SLC6A15: variants seen among roughly 807,000 people sequenced by gnomAD.
SLC6A15 encodes the protein sodium-dependent neutral amino acid transporter B(0)AT2.
SLC6A15 carries 33 observed loss-of-function variants against 68.5 expected under a neutral mutation model. The ratio of observed to expected loss-of-function variants is 0.48; its 90% CI spans 0.37 to 0.64. The LOEUF is 0.64. Ranked by LOEUF, SLC6A15 falls within the 30% of genes least tolerant of loss-of-function variation. The pLI, the probability that SLC6A15 is intolerant of heterozygous loss-of-function variation, is 0.00. For synonymous variants in SLC6A15, 347 were observed against 301.0 expected (o/e 1.15, Z -1.58); for missense variants, 747 against 874.3 (o/e 0.85, Z 1.84).
intron 9 of SLC6A15, among the ~76,000 whole-genome samples, chr12:84,868,232 G>A (rs1415539914): frequency 1.3e-5 from 2 of 152,118 alleles, no homozygotes; most frequent in Admixed American, 1.3e-4. Context: ...AACATATAAT[G>A]TAGAATAAGA....
chr12:84,911,266 A>T (rs2120760530), intron 1 of SLC6A15, among the ~76,000 whole-genome samples: 1 of 152,304 alleles, frequency 6.6e-6, no homozygotes, highest in East Asian at 1.9e-4. Flanking sequence ...GCAGCATATA[A>T]AGCAAATCCT....
rs1870845738 is a variant in SLC6A15 at position 84,861,494 on chromosome 12, A to G, written c.*138T>C. On this transcript the variant is annotated 3_prime_UTR_variant, in exon 12 of 12. Transcript: ENST00000266682. The stretch of plus-strand genomic sequence containing the variant: ...AAGAATGCTCAAGTTGAACTGACAT[A>G]TACTGTTAGGATTAAAGATCACAGC... 1 of 959,540 alleles carries G rather than the reference A, an allele frequency of 1.0e-6. No individual in the cohort carries two copies. The highest frequency in any genetic ancestry group is 1.6e-6 in the Non-Finnish European group (1 of 643,218). The allele number at this position is 959,540 out of a possible 1,614,324, so 59.4% of individuals were successfully genotyped here. A position where few individuals can be genotyped will look rare whatever the true frequency, so the allele number is the denominator to read the frequency against.
At position 84,886,080 on chromosome 12, in the gene SLC6A15, A is replaced by C; in HGVS notation, c.290-12T>G. 1 of 1,532,532 alleles carries C rather than the reference A, an allele frequency of 6.5e-7. No homozygotes were observed. The allele number at this position is 1,532,532 out of a possible 1,614,324, so 94.9% of individuals were successfully genotyped here. A position where few individuals can be genotyped will look rare whatever the true frequency, so the allele number is the denominator to read the frequency against. On this transcript the variant is annotated splice_polypyrimidine_tract_variant and intron_variant, in intron 2 of 11. Transcript: ENST00000266682. ...TAAAAGATATGCACCTAAAGAAACA[A>C]CAACAAAAAATAGATTATATTTTCA...
rs1872765189 is a variant in SLC6A15, at chr12:84,899,553, T to A, written c.-188-7245A>T. On this transcript the variant is annotated intron_variant, in intron 1 of 11. Coordinates refer to ENST00000266682, the MANE Select transcript of SLC6A15 (RefSeq NM_182767.6). Reference sequence around the variant, plus strand: ...CCTTTTTCCATTTCATTGCCAAGCATCCCATTGTTTCTTTGAGCTCCTGTG... The same window carrying A: ...CCTTTTTCCATTTCATTGCCAAGCAACCCATTGTTTCTTTGAGCTCCTGTG... Among the ~76,000 whole-genome samples the A allele has an allele frequency of 2.6e-5, 4 of 152,172 alleles. No individual in the cohort carries two copies. In the South Asian group the frequency reaches 8.3e-4, roughly 32 times the overall value.
chr12:84,871,124 CAATT>C (rs1467294980), intron 8 of SLC6A15, among the ~76,000 whole-genome samples: 1 of 150,784 alleles, frequency 6.6e-6, no homozygotes, highest in African/African-American at 2.4e-5. Flanking sequence ...GTGGCTCAAT[CAATT>C]GTTGTTATAT....
At chr12:84,901,388 C>A (rs1525542) in intron 1 of SLC6A15, among the ~76,000 whole-genome samples, 74,895 of 151,542 alleles carry the variant, frequency 0.49, 21,462 homozygotes, top group African/African-American at 0.78. Flanking sequence ...ACTCATTGCC[C>A]TAAAGTGTTC....
chr12:84,907,836 T>C (rs1873237729), intron 1 of SLC6A15, among the ~76,000 whole-genome samples: 1 of 152,188 alleles, frequency 6.6e-6, no homozygotes, highest in South Asian at 2.1e-4. Flanking sequence ...TTCTGGCACA[T>C]CCATACCATT....
intron 1 of SLC6A15, among the ~76,000 whole-genome samples, chr12:84,904,377 C>T (rs1873040196): frequency 6.6e-6 from 1 of 152,028 alleles, no homozygotes; most frequent in Admixed American, 6.6e-5. Flanking sequence ...CCAAATGAGC[C>T]CAACCACCCC....
chr12:84,888,818 G>A (rs550299706), intron 2 of SLC6A15, among the ~76,000 whole-genome samples: 1 of 152,230 alleles, frequency 6.6e-6, no homozygotes, highest in East Asian at 1.9e-4. Context: ...TGAACTAAAG[G>A]AAATTGGAAG....
At chr12:84,876,989 T>C (rs1555180739) in intron 5 of SLC6A15, among the ~76,000 whole-genome samples, 1 of 152,188 alleles carries the variant, frequency 6.6e-6, no homozygotes, top group Non-Finnish European at 1.5e-5. Context: ...AAGTCCTATT[T>C]CTTTTTCTTT....
At position 84,908,688 on chromosome 12, in the gene SLC6A15, A is replaced by T. The variant is rs113169457; in HGVS notation, c.-189+3835T>A. 6.4e-3 allele frequency among the ~76,000 whole-genome samples: 958 copies of T among 150,842 alleles called. 7 individuals are homozygous for T. Among genetic ancestry groups the T allele is most frequent in the African/African-American group, 0.022 (911 of 41,062 alleles). ...TCTGTACCTCCCAATAAGTAACCAAAATCTTCAATAAATATTTTCTGTATA... is the reference window on the plus strand; with the variant it reads ...TCTGTACCTCCCAATAAGTAACCAATATCTTCAATAAATATTTTCTGTATA... On this transcript the variant is annotated intron_variant, in intron 1 of 11. Transcript: ENST00000266682.
intron 5 of SLC6A15, among the ~76,000 whole-genome samples, chr12:84,877,637 C>T (rs1036748278): frequency 2.0e-5 from 3 of 152,276 alleles, no homozygotes; most frequent in Admixed American, 1.3e-4. Flanking sequence ...TTGCAGATGA[C>T]TTGCTCCTCC....
chr12:84,895,959 G>T (rs770742073), intron 1 of SLC6A15, among the ~76,000 whole-genome samples: 1 of 152,130 alleles, frequency 6.6e-6, no homozygotes, highest in African/African-American at 2.4e-5. Context: ...TATTACAATT[G>T]TTACATCTGA....
At chr12:84,885,392 T>C (rs763321877) in intron 4 of SLC6A15, 43 bp downstream of exon 4, 4 of 1,520,530 alleles carry the variant, frequency 2.6e-6, no homozygotes, top group Non-Finnish European at 2.6e-6. Flanking sequence ...TTGCCACTCT[T>C]ATAATGCTTA....
At chr12:84,866,066 C>CA (rs560595511) in intron 10 of SLC6A15, among the ~76,000 whole-genome samples, 4 of 151,670 alleles carry the variant, frequency 2.6e-5, no homozygotes, top group South Asian at 4.2e-4. Context: ...TTGGCAACCA[C>CA]AAAAAACATT....
Position 84,862,565 on chromosome 12 carries a change from C to T in SLC6A15, c.1819-559G>A, listed in dbSNP as rs1592589568. On this transcript the variant is annotated intron_variant, in intron 11 of 11. Transcript: ENST00000266682. The stretch of plus-strand genomic sequence containing the variant: ...TATTAACCATAGGATAGTTAAAGGT[C>T]AGAAGTATCTCTGAAAATAAGCACT... Among the ~76,000 whole-genome samples, 7 of 152,106 alleles carry T rather than the reference C, an allele frequency of 4.6e-5. 2 individuals carry two copies. Among genetic ancestry groups the T allele is most frequent in the Admixed American group, 4.6e-4 (7 of 15,272 alleles).
At chr12:84,878,965 C>A (rs986429601) in intron 5 of SLC6A15, among the ~76,000 whole-genome samples, 1 of 151,838 alleles carries the variant, frequency 6.6e-6, no homozygotes, top group African/African-American at 2.4e-5. Context: ...GTTGCCAGAG[C>A]GATCTTTCTA....
In SLC6A15 at chr12:84,860,684, T is replaced by A. The variant is rs966625856; in HGVS notation, c.*948A>T. On this transcript the variant is annotated 3_prime_UTR_variant, in exon 12 of 12. Transcript: ENST00000266682. Reference sequence around the variant, plus strand: ...AACTTTGTTTATTTGTAGATTAAAATGTAATGCATTACAATTTTAACAATC... The same window carrying A: ...AACTTTGTTTATTTGTAGATTAAAAAGTAATGCATTACAATTTTAACAATC... 1.3e-5 allele frequency: 2 copies of A among 152,162 alleles called. No homozygotes were observed. The highest frequency in any genetic ancestry group is 4.8e-5 in the African/African-American group (2 of 41,464). 9.4% of individuals were successfully genotyped at this position (152,162 alleles called of 1,614,324 possible).
intron 1 of SLC6A15, among the ~76,000 whole-genome samples, chr12:84,904,221 G>GA: frequency 3.0e-5 from 4 of 132,416 alleles, no homozygotes; most frequent in African/African-American, 5.9e-5. Flanking sequence ...GAGGGGCGGA[G>GA]GGGGAGAGAG....
Sources: gnomAD v4.1 joint callset for allele counts (sites outside exome capture counted in the v4.1 genomes callset) on GRCh38, gnomAD v4.1.1 for gene constraint, MANE v1.5 for transcripts, NCBI Gene and HGNC (gene_info 2026-07-23, HGNC 2026-07-21) for gene names.